The following ST8SIA4 variants were observed in gnomAD, a reference collection of about 807,000 sequenced individuals.
ST8SIA4 encodes ST8 alpha-N-acetyl-neuraminide alpha-2,8-sialyltransferase 4.
ST8SIA4 carries 15 observed loss-of-function variants against 33.9 expected under a neutral mutation model. The observed-to-expected ratio is 0.44, with a 90% CI of 0.30 to 0.68. The LOEUF (loss-of-function observed/expected upper bound fraction) is 0.68, where lower values mean the gene tolerates loss of function less well. Among genes scored for constraint, ST8SIA4 ranks in the 30% least tolerant of loss-of-function variants. The pLI is 0.10. For synonymous variants in ST8SIA4, 171 were observed against 151.2 expected, an observed-to-expected ratio of 1.13 and a Z score of -0.96; for missense variants, 321 against 428.0, an observed-to-expected ratio of 0.75 and a Z score of 2.21.
At chr5:100,837,103 T>C (rs1277901320) in intron 4 of ST8SIA4, among the ~76,000 whole-genome samples, 1 of 151,870 alleles carries the variant, frequency 6.6e-6, no homozygotes, top group Non-Finnish European at 1.5e-5. Flanking sequence ...ACCTGAGTCA[T>C]CAGTAAGTGT....
intron 4 of ST8SIA4, among the ~76,000 whole-genome samples, chr5:100,823,447 A>T (rs1751075245): frequency 6.6e-6 from 1 of 152,154 alleles, no homozygotes; most frequent in African/African-American, 2.4e-5. Context: ...CCCTTTACGG[A>T]CTTGCCGTGA....
Position 100,888,197 on chromosome 5 carries a change from A to C in ST8SIA4, c.246-1597T>G, listed in dbSNP as rs535781863. Reference sequence around the variant, plus strand: ...AGAGTCCGGGACCCTAGTAGATTTTAAGGAAAAAAAAAAAAACATATATAT... The same window carrying C: ...AGAGTCCGGGACCCTAGTAGATTTTCAGGAAAAAAAAAAAAACATATATAT... On this transcript the variant is annotated intron_variant, in intron 2 of 4. Coordinates refer to ENST00000231461, the MANE Select transcript of ST8SIA4 (RefSeq NM_005668.6). Among the ~76,000 whole-genome samples, 20 of 151,164 alleles carry C rather than the reference A, an allele frequency of 1.3e-4. No individual in the cohort carries two copies. The South Asian group carries it at 3.3e-3, about 25-fold the overall frequency.
intron 4 of ST8SIA4, among the ~76,000 whole-genome samples, chr5:100,847,367 T>C (rs1297709870): frequency 6.6e-6 from 1 of 152,078 alleles, no homozygotes; most frequent in Non-Finnish European, 1.5e-5. Context: ...CTATTGATGA[T>C]GTATTTTAGC....
In ST8SIA4 at chr5:100,903,184, C is replaced by A; in HGVS notation, c.-229G>T. On this transcript the variant is annotated 5_prime_UTR_variant, in exon 1 of 5. Coordinates refer to ENST00000231461, the MANE Select transcript of ST8SIA4 (RefSeq NM_005668.6). ...CTGTTTGCGCCAGCTCTGCCAGGGT[C>A]GCTCCGCGCCGCCTCCCTGGGGCTC... The A allele has an allele frequency of 1.8e-6, 1 of 545,494 alleles. No individual in the cohort carries two copies. The highest frequency in any genetic ancestry group is 3.3e-6 in the Non-Finnish European group (1 of 307,654). The allele number at this position is 545,494 out of a possible 1,614,324, so 33.8% of individuals were successfully genotyped here.
intron 4 of ST8SIA4, among the ~76,000 whole-genome samples, chr5:100,814,761 A>G (rs1750879218): frequency 6.6e-6 from 1 of 151,954 alleles, no homozygotes; most frequent in South Asian, 2.1e-4. Flanking sequence ...TCGGTATTAA[A>G]CCAGTAACAA....
intron 3 of ST8SIA4, among the ~76,000 whole-genome samples, chr5:100,876,222 G>T (rs899353335): frequency 1.3e-5 from 2 of 151,962 alleles, no homozygotes; most frequent in Non-Finnish European, 2.9e-5. Context: ...AATCTCATAG[G>T]GGAAAATCAT....
intron 4 of ST8SIA4, among the ~76,000 whole-genome samples, chr5:100,838,556 A>AT (rs972648658): frequency 1.2e-4 from 18 of 152,046 alleles, no homozygotes; most frequent in Middle Eastern, 3.4e-3. Context: ...TAAATTATGT[A>AT]TTTTTTTCAT....
chr5:100,896,045 A>G (rs560212160), intron 1 of ST8SIA4, among the ~76,000 whole-genome samples: 1 of 152,232 alleles, frequency 6.6e-6, no homozygotes, highest in South Asian at 2.1e-4. Context: ...TTAAAGAAAA[A>G]AAATCACCAA....
intron 2 of ST8SIA4, among the ~76,000 whole-genome samples, chr5:100,894,894 C>T (rs1489781604): frequency 6.6e-6 from 1 of 152,032 alleles, no homozygotes; most frequent in East Asian, 1.9e-4. Context: ...TATTCTTTCA[C>T]ACTTTTAGTG....
chr5:100,853,985 A>ATGTGTGTGTGTGTGTG (rs55821438), intron 4 of ST8SIA4, among the ~76,000 whole-genome samples: 81 of 76,996 alleles, frequency 1.1e-3, no homozygotes, highest in Non-Finnish European at 1.8e-3. Context: ...GTGTGTGTGT[A>ATGTGTGTGTGTGTGTG]TGTGTGTGTG....
intron 4 of ST8SIA4, among the ~76,000 whole-genome samples, chr5:100,815,589 C>G (rs928594769): frequency 6.6e-6 from 1 of 151,958 alleles, no homozygotes; most frequent in Non-Finnish European, 1.5e-5. Flanking sequence ...TCTCACTACT[C>G]TCTCACATAC....
At chr5:100,877,916 T>C (rs886519160) in intron 3 of ST8SIA4, among the ~76,000 whole-genome samples, 1 of 152,222 alleles carries the variant, frequency 6.6e-6, no homozygotes, top group Non-Finnish European at 1.5e-5. Flanking sequence ...TCTGTTTTAC[T>C]CCTCCGTCTT....
chr5:100,868,526 T>C (rs1474446359), intron 3 of ST8SIA4, among the ~76,000 whole-genome samples: 3 of 152,042 alleles, frequency 2.0e-5, no homozygotes, highest in African/African-American at 4.8e-5. Context: ...GTTTAAAATG[T>C]ACGTTTAATC....
chr5:100,832,808 T>C (rs17780121), intron 4 of ST8SIA4, among the ~76,000 whole-genome samples: 2,548 of 152,222 alleles, frequency 0.017, 29 homozygotes, highest in Admixed American at 0.025. Context: ...TTCTAACTTT[T>C]CTACTCTATT....
At position 100,809,893 on chromosome 5, in the gene ST8SIA4, A is replaced by C. The variant is rs1169906873; in HGVS notation, c.*1954T>G. On this transcript the variant is annotated 3_prime_UTR_variant, in exon 5 of 5. Coordinates refer to ENST00000231461, the MANE Select transcript of ST8SIA4 (RefSeq NM_005668.6). ...TATATCCCAAGGTTTTACTATATTA[A>C]AAAAATATGACATCTAATTAAAAAT... 6.6e-6 allele frequency: 1 copy of C among 152,036 alleles called. No homozygotes were observed. Among genetic ancestry groups the C allele is most frequent in the Non-Finnish European group, 1.5e-5 (1 of 68,008 alleles). The allele number at this position is 152,036 out of a possible 1,614,324, so 9.4% of individuals were successfully genotyped here.
chr5:100,871,708 C>T (rs1193137681), intron 3 of ST8SIA4, among the ~76,000 whole-genome samples: 2 of 151,952 alleles, frequency 1.3e-5, no homozygotes, highest in Middle Eastern at 3.2e-3. Flanking sequence ...TTACCTATGA[C>T]GATGAACTCA....
In ST8SIA4 at chr5:100,808,986, G is replaced by C. The variant is rs1207498569; in HGVS notation, c.*2861C>G. The C allele has an allele frequency of 6.6e-6, 1 of 152,508 alleles. No individual in the cohort carries two copies. Among genetic ancestry groups the C allele is most frequent in the African/African-American group, 2.4e-5 (1 of 41,392 alleles). 9.4% of individuals were successfully genotyped at this position (152,508 alleles called of 1,614,324 possible). ...TTTTTCATGCTGAACATTTTTGGAA[G>C]TGGGCAATGTATTTAGAGAACACAA... On this transcript the variant is annotated 3_prime_UTR_variant, in exon 5 of 5. Coordinates refer to ENST00000231461, the MANE Select transcript of ST8SIA4 (RefSeq NM_005668.6).
intron 4 of ST8SIA4, among the ~76,000 whole-genome samples, chr5:100,850,190 G>C (rs1050247345): frequency 2.0e-5 from 3 of 152,032 alleles, no homozygotes; most frequent in African/African-American, 7.2e-5. Context: ...TTTTGAGAAA[G>C]ATGTAAGTTT....
intron 3 of ST8SIA4, chr5:100,886,090 C>G: frequency 8.3e-7 from 1 of 1,206,838 alleles, no homozygotes; most frequent in Non-Finnish European, 1.0e-6. Flanking sequence ...CCATTTGCCT[C>G]CCCCCTCACC....
Sources: gnomAD v4.1 joint callset for allele counts (sites outside exome capture counted in the v4.1 genomes callset) on GRCh38, gnomAD v4.1.1 for gene constraint, MANE v1.5 for transcripts, NCBI Gene and HGNC (gene_info 2026-07-23, HGNC 2026-07-21) for gene names.